The following FRMD4B variants were observed in gnomAD, a reference collection of about 807,000 sequenced individuals.
The protein encoded by FRMD4B is FERM domain containing 4B.
In FRMD4B, 74 loss-of-function variants were observed where a neutral mutation model predicts 141.5. The observed-to-expected ratio is 0.52, with a 90% CI of 0.43 to 0.63. FRMD4B has a LOEUF of 0.63. Among genes scored for constraint, FRMD4B ranks in the 30% least tolerant of loss-of-function variants. The pLI, the probability that FRMD4B is intolerant of heterozygous loss-of-function variation, is 0.00. For missense variants in FRMD4B, 1,366 were observed against 1,253.4 expected (o/e 1.09, Z -1.36); for synonymous variants, 506 against 467.9 (o/e 1.08, Z -1.05).
At position 69,169,545 on chromosome 3, in the gene FRMD4B, T is replaced by C. The variant is rs12494541; in HGVS notation, c.*2316A>G. Among the ~76,000 whole-genome samples, 140,261 of 151,888 alleles carry C rather than the reference T, an allele frequency of 0.92. 65,506 individuals carry two copies. Among genetic ancestry groups the C allele is most frequent in the Non-Finnish European group, 1 (67,779 of 67,984 alleles). On this transcript the variant is annotated 3_prime_UTR_variant, in exon 23 of 23. Coordinates refer to ENST00000398540, the MANE Select transcript of FRMD4B (RefSeq NM_015123.3). ...GCTAATTTTTGTATTTTCATAGAGATGGGGTTTCACCATGTTGTCCAGGCT... is the reference window on the plus strand; with the variant it reads ...GCTAATTTTTGTATTTTCATAGAGACGGGGTTTCACCATGTTGTCCAGGCT...
chr3:69,416,541 T>A (rs867373075), intron 2 of FRMD4B, among the ~76,000 whole-genome samples: 49 of 152,310 alleles, frequency 3.2e-4, no homozygotes, highest in South Asian at 1.7e-3. Flanking sequence ...TCTTTTTTTT[T>A]AAATTATTAT....
intron 22 of FRMD4B, among the ~76,000 whole-genome samples, chr3:69,175,976 T>A (rs4508786): frequency 0.88 from 132,898 of 151,610 alleles, 59,889 homozygotes; most frequent in Non-Finnish European, 0.99. Flanking sequence ...GAGATGGGGT[T>A]TCACCGTGTT....
At chr3:69,506,215 C>T (rs1706592583) in intron 1 of FRMD4B, among the ~76,000 whole-genome samples, 1 of 152,170 alleles carries the variant, frequency 6.6e-6, no homozygotes, top group South Asian at 2.1e-4. Context: ...TGGCCCTGAT[C>T]TTCACCCCAC....
intron 1 of FRMD4B, among the ~76,000 whole-genome samples, chr3:69,539,094 A>T (rs1701126723): frequency 6.6e-6 from 1 of 152,236 alleles, no homozygotes; most frequent in Non-Finnish European, 1.5e-5. Context: ...ATAGAGCGAG[A>T]GATCACTTGC....
intron 2 of FRMD4B, among the ~76,000 whole-genome samples, chr3:69,401,316 A>G (rs576700920): frequency 6.6e-6 from 1 of 152,310 alleles, no homozygotes; most frequent in East Asian, 1.9e-4. Context: ...GGGACAGAGG[A>G]GGGATATCAG....
chr3:69,540,541 G>A (rs1479339511), intron 1 of FRMD4B, among the ~76,000 whole-genome samples: 1 of 146,158 alleles, frequency 6.8e-6, no homozygotes, highest in Non-Finnish European at 1.5e-5. Flanking sequence ...TTGAACTCGG[G>A]AGGCAGAGGT....
chr3:69,530,273 T>C (rs1388024255), intron 1 of FRMD4B, among the ~76,000 whole-genome samples: 1 of 152,246 alleles, frequency 6.6e-6, no homozygotes, highest in African/African-American at 2.4e-5. Flanking sequence ...TGGGTCCTGA[T>C]GGATAGTGTT....
At chr3:69,532,838 C>A (rs1351679680) in intron 1 of FRMD4B, among the ~76,000 whole-genome samples, 1 of 152,204 alleles carries the variant, frequency 6.6e-6, no homozygotes, top group Non-Finnish European at 1.5e-5. Flanking sequence ...TTGTTGGGTC[C>A]CCCACTGACA....
intron 16 of FRMD4B, among the ~76,000 whole-genome samples, chr3:69,194,120 G>T (rs1049813380): frequency 6.6e-6 from 1 of 152,162 alleles, no homozygotes; most frequent in African/African-American, 2.4e-5. Context: ...CATTCAGTTG[G>T]TTGGGAGAAG....
chr3:69,225,499 C>G (rs372675692), intron 7 of FRMD4B, among the ~76,000 whole-genome samples: 35 of 139,736 alleles, frequency 2.5e-4, no homozygotes, highest in African/African-American at 8.6e-4. Context: ...CACGGTGAAA[C>G]CCTGTATCTA....
chr3:69,492,810 G>A (rs1369188320), intron 1 of FRMD4B, among the ~76,000 whole-genome samples: 2 of 152,214 alleles, frequency 1.3e-5, no homozygotes, highest in Non-Finnish European at 2.9e-5. Context: ...TGTCTGCTTA[G>A]TTATTTGCAA....
At chr3:69,458,739 TG>T (rs1191117556) in intron 1 of FRMD4B, among the ~76,000 whole-genome samples, 4 of 151,864 alleles carry the variant, frequency 2.6e-5, no homozygotes, top group Admixed American at 1.3e-4. Context: ...AAAACACGCT[TG>T]TAATCAGAGC....
At chr3:69,235,687 AAG>A (rs1164140959) in intron 7 of FRMD4B, among the ~76,000 whole-genome samples, 2 of 152,036 alleles carry the variant, frequency 1.3e-5, no homozygotes, top group Non-Finnish European at 2.9e-5. Flanking sequence ...GAAAAAAAAA[AAG>A]AAATACTTCT....
At chr3:69,324,155 T>A (rs1702105148) in intron 1 of FRMD4B, among the ~76,000 whole-genome samples, 1 of 152,188 alleles carries the variant, frequency 6.6e-6, no homozygotes, top group Non-Finnish European at 1.5e-5. Context: ...ATGGAATTAA[T>A]CTCCACCTGT....
At chr3:69,290,366 G>T (rs1301099280) in intron 4 of FRMD4B, among the ~76,000 whole-genome samples, 2 of 152,180 alleles carry the variant, frequency 1.3e-5, no homozygotes, top group East Asian at 3.8e-4. Flanking sequence ...AGTAGAGAGG[G>T]ACAAGAGTCC....
At chr3:69,374,296 A>AT (rs1428390901) in intron 1 of FRMD4B, among the ~76,000 whole-genome samples, 4 of 152,224 alleles carry the variant, frequency 2.6e-5, no homozygotes, top group Admixed American at 2.6e-4. Context: ...CGTATAGCCG[A>AT]TAAGTGATGG....
chr3:69,254,106 C>CA (rs1301549135), intron 5 of FRMD4B, among the ~76,000 whole-genome samples: 2 of 148,998 alleles, frequency 1.3e-5, no homozygotes, highest in Admixed American at 6.7e-5. Flanking sequence ...AAACTCACAC[C>CA]TTTTTTTTTT....
intron 1 of FRMD4B, among the ~76,000 whole-genome samples, chr3:69,435,372 A>T (rs878964384): frequency 6.6e-6 from 1 of 151,766 alleles, no homozygotes; most frequent in African/African-American, 2.4e-5. Flanking sequence ...AAAAAAAAAA[A>T]GGAGAGGAAG....
chr3:69,228,401 G>T (rs1180256247), intron 7 of FRMD4B: 1 of 457,022 alleles, frequency 2.2e-6, no homozygotes, highest in South Asian at 1.5e-5. Flanking sequence ...GCTGAGAAAT[G>T]TAAGTCAAAC....
Sources: allele counts gnomAD v4.1 joint callset (sites outside exome capture counted in the v4.1 genomes callset), GRCh38; gene constraint gnomAD v4.1.1; transcripts MANE v1.5; gene names NCBI Gene and HGNC (gene_info 2026-07-23, HGNC 2026-07-21).